Variants in DRC9 observed in about 807,000 individuals in gnomAD.
The protein encoded by DRC9 is dynein regulatory complex subunit 9.
chr3:197,950,600 CGTGT>C, the DRC9 span: 1 of 382,418 alleles, frequency 2.6e-6, no homozygotes, highest in Non-Finnish European at 4.7e-6. Flanking sequence ...AAAAGTCTTA[CGTGT>C]GTGTTTCTCT....
the DRC9 span, chr3:197,951,509 C>T: frequency 2.0e-5 from 12 of 586,258 alleles, no homozygotes; most frequent in Middle Eastern, 3.8e-4. Context: ...CCGGCCACCA[C>T]GCCCGGCTAG....
chr3:197,947,285 G>A, the DRC9 span, among the ~76,000 whole-genome samples: 1 of 151,962 alleles, frequency 6.6e-6, no homozygotes, highest in African/African-American at 2.4e-5. Context: ...CAGGAAGTGA[G>A]CTTTTTAAAA....
the DRC9 span, among the ~76,000 whole-genome samples, chr3:197,905,089 T>C: frequency 2.0e-5 from 3 of 151,966 alleles, no homozygotes; most frequent in Admixed American, 2.0e-4. Flanking sequence ...GCTGGGAAGG[T>C]AGTGGGGGAT....
the DRC9 span, among the ~76,000 whole-genome samples, chr3:197,901,577 G>A: frequency 6.6e-6 from 1 of 152,370 alleles, no homozygotes; most frequent in East Asian, 1.9e-4. This position sits in a 1 kb window ranked among gnomAD's most constrained non-coding sequence, Gnocchi z 4.4. Flanking sequence ...CTGAACATCA[G>A]CAGTAGCCTG....
the DRC9 span, chr3:197,889,248 T>C: frequency 3.8e-6 from 1 of 262,632 alleles, no homozygotes; most frequent in Non-Finnish European, 7.3e-6. Context: ...ATTACTCAAG[T>C]TTCAATGCGT....
At chr3:197,932,181 T>C in the DRC9 span, 1 of 1,612,198 alleles carries the variant, frequency 6.2e-7, no homozygotes, top group Non-Finnish European at 8.5e-7. Flanking sequence ...GACCTGGCAA[T>C]GATGTCATAG....
the DRC9 span, among the ~76,000 whole-genome samples, chr3:197,915,175 A>AG: frequency 1.3e-5 from 2 of 150,504 alleles, no homozygotes; most frequent in African/African-American, 2.4e-5. Context: ...AAAAAAAAAA[A>AG]AAAAAAGAAA....
At chr3:197,937,002 C>T in the DRC9 span, among the ~76,000 whole-genome samples, 9 of 152,168 alleles carry the variant, frequency 5.9e-5, no homozygotes, top group African/African-American at 9.7e-5. Flanking sequence ...AGTAAATATT[C>T]GGCTTTGCAG....
chr3:197,950,259 T>A, the DRC9 span: 2 of 1,230,364 alleles, frequency 1.6e-6, no homozygotes, highest in South Asian at 8.5e-5. Flanking sequence ...TGGGGGCAAA[T>A]AACCGGAGTA....
the DRC9 span, chr3:197,960,169 C>T: frequency 1.3e-6 from 2 of 1,487,450 alleles, no homozygotes; most frequent in Non-Finnish European, 1.8e-6. Context: ...CCTCCGTCTA[C>T]CCCCAGCGGC....
At chr3:197,952,110 A>G in the DRC9 span, among the ~76,000 whole-genome samples, 2 of 140,404 alleles carry the variant, frequency 1.4e-5, no homozygotes, top group Non-Finnish European at 3.1e-5. Context: ...GAATTTAAGG[A>G]TTTTTAGAAC....
At chr3:197,944,068 G>GA in the DRC9 span, 1 of 1,594,962 alleles carries the variant, frequency 6.3e-7, no homozygotes, top group Non-Finnish European at 8.5e-7. Flanking sequence ...AAAGAATAAA[G>GA]AAAAAATAAG....
the DRC9 span, among the ~76,000 whole-genome samples, chr3:197,924,344 G>A: frequency 6.6e-6 from 1 of 152,114 alleles, no homozygotes; most frequent in East Asian, 1.9e-4. Flanking sequence ...GGGTGATGGA[G>A]TGGACAGGGT....
the DRC9 span, among the ~76,000 whole-genome samples, chr3:197,897,309 AAATC>A: frequency 1.3e-5 from 2 of 152,168 alleles, no homozygotes; most frequent in Admixed American, 6.5e-5. Flanking sequence ...GGCAAAATAT[AAATC>A]AATCAAGCCA....
chr3:197,921,912 A>G, the DRC9 span, among the ~76,000 whole-genome samples: 1 of 140,866 alleles, frequency 7.1e-6, no homozygotes, highest in Non-Finnish European at 1.5e-5. Context: ...TGACCCGACT[A>G]CTGGTTTTCA....
chr3:197,894,420 TA>T, the DRC9 span: 1 of 152,148 alleles, frequency 6.6e-6, no homozygotes, highest in East Asian at 1.9e-4. Context: ...TTTGCCTTAA[TA>T]AAGGCAAAAG....
the DRC9 span, chr3:197,956,752 C>A: frequency 6.6e-6 from 1 of 151,778 alleles, no homozygotes; most frequent in Non-Finnish European, 1.5e-5. Context: ...GCCTCAGCCT[C>A]CTAAATAGCT....
chr3:197,920,393 C>T, the DRC9 span, among the ~76,000 whole-genome samples: 2 of 149,084 alleles, frequency 1.3e-5, no homozygotes, highest in African/African-American at 5.0e-5. Flanking sequence ...CAAAACAAGC[C>T]TGGGCAACAA....
chr3:197,944,211 T>C, the DRC9 span, among the ~76,000 whole-genome samples: 1 of 151,822 alleles, frequency 6.6e-6, no homozygotes, highest in Non-Finnish European at 1.5e-5. Flanking sequence ...GTGATTCTGC[T>C]AAGTATCTTC....
Sources: gnomAD v4.1 joint callset for allele counts (sites outside exome capture counted in the v4.1 genomes callset) on GRCh38, gnomAD v4.1.1 for gene constraint, Gnocchi (gnomAD v3.1) non-coding constraint, MANE v1.5 for transcripts, NCBI Gene and HGNC (gene_info 2026-07-23, HGNC 2026-07-21) for gene names.